Variants in ZNF600 observed in about 807,000 individuals in gnomAD.
ZNF600 encodes the protein zinc finger protein KR-ZNF1.
Under a neutral mutation model 7.3 loss-of-function variants are expected in ZNF600, and 4 were observed. The ratio of observed to expected loss-of-function variants is 0.55; its 90% CI spans 0.27 to 1.25. The LOEUF is 1.25. ZNF600 is among the 50% of genes most tolerant of loss of function. The pLI is 0.12. For synonymous variants in ZNF600, 290 were observed against 308.9 expected (o/e 0.94, Z 0.64); for missense variants, 911 against 922.1 (o/e 0.99, Z 0.16).
rs111993232 is a variant in ZNF600, at chr19:52,766,680, T to C, written c.1283A>G (p.Lys428Arg). The change falls in exon 4 of 4, where the codon AAG becomes AGG. Residue 428 changes from lysine (K) to arginine (R), a missense_variant. By Grantham distance (26) the Lys-to-Arg change is conservative. Coordinates refer to ENST00000648973, the Ensembl canonical transcript of ZNF600. ...GAAGGTCTTGCCACACTCATTACAC[T>C]TGTAAGTTTTCTCTCCAGTGTGAAT... is the stretch of plus-strand genomic sequence containing the variant. The C allele has an allele frequency of 7.3e-4, 1,171 of 1,614,220 alleles. 11 individuals carry two copies. The African/African-American group carries it at 0.015, about 20-fold the overall frequency.
At chr19:52,810,438 G>C in the ZNF600 span, 2 of 1,600,562 alleles carry the variant, frequency 1.2e-6, no homozygotes, top group Admixed American at 3.3e-5. Flanking sequence ...CAAAGGGTTT[G>C]CATATATAGA....
intron 2 of ZNF600, among the ~76,000 whole-genome samples, chr19:52,775,134 G>A (rs56992523): frequency 0.11 from 17,038 of 152,114 alleles, 1,098 homozygotes; most frequent in South Asian, 0.2. Context: ...CAGCTACACA[G>A]GAGGCTGAGG....
At chr19:52,828,869 T>A in the ZNF600 span, among the ~76,000 whole-genome samples, 2 of 152,310 alleles carry the variant, frequency 1.3e-5, no homozygotes, top group Non-Finnish European at 1.5e-5. Context: ...ATTTCTTTAT[T>A]TATTTTTTTG....
the ZNF600 span, among the ~76,000 whole-genome samples, chr19:52,822,434 C>A: frequency 6.6e-6 from 1 of 152,092 alleles, no homozygotes; most frequent in Non-Finnish European, 1.5e-5. Context: ...ACTAAAAAAT[C>A]TTCCCCGAAA....
At chr19:52,800,310 TC>T in the ZNF600 span, 1 of 1,607,646 alleles carries the variant, frequency 6.2e-7, no homozygotes, top group South Asian at 1.1e-5. Context: ...TCTCTGATGT[TC>T]TGTAAGGCAT....
At chr19:52,767,769 A>C in exon 4 of ZNF600, 1 of 1,556,902 alleles carries the variant, frequency 6.4e-7, no homozygotes, top group Non-Finnish European at 8.7e-7. Context: ...TTTGGAAGAG[A>C]TATCTACAAA....
At chr19:52,816,805 T>C in the ZNF600 span, among the ~76,000 whole-genome samples, 1 of 150,938 alleles carries the variant, frequency 6.6e-6, no homozygotes, top group Admixed American at 6.6e-5. Flanking sequence ...CACTGCAGCC[T>C]GGGCAACAAA....
At chr19:52,799,892 T>C in the ZNF600 span, 3 of 1,614,128 alleles carry the variant, frequency 1.9e-6, no homozygotes, top group East Asian at 6.7e-5. Flanking sequence ...TATGATGGTA[T>C]ACGAGGGATG....
At chr19:52,814,603 A>T in the ZNF600 span, among the ~76,000 whole-genome samples, 47 of 144,624 alleles carry the variant, frequency 3.2e-4, 8 homozygotes, top group African/African-American at 1.2e-3. Flanking sequence ...AAGAAAAAAA[A>T]AAGCTGGGCG....
the ZNF600 span, among the ~76,000 whole-genome samples, chr19:52,813,388 C>G: frequency 6.6e-6 from 1 of 151,834 alleles, no homozygotes; most frequent in Non-Finnish European, 1.5e-5. Context: ...TCTGGGGATT[C>G]GCCATGGACA....
chr19:52,784,075 CAAAA>C (rs372098238), intron 1 of ZNF600, among the ~76,000 whole-genome samples: 1 of 150,936 alleles, frequency 6.6e-6, no homozygotes, highest in African/African-American at 2.4e-5. Context: ...AACTCCACCT[CAAAA>C]AAAAATAATA....
At chr19:52,764,622 A>G (rs781145869) in exon 4 of ZNF600, 3 of 147,206 alleles carry the variant, frequency 2.0e-5, no homozygotes, top group Non-Finnish European at 4.4e-5. Flanking sequence ...GATTCACACC[A>G]TTCTCCTGCC....
At chr19:52,777,172 A>AGT (rs1257176161) in intron 2 of ZNF600, among the ~76,000 whole-genome samples, 1 of 151,924 alleles carries the variant, frequency 6.6e-6, no homozygotes, top group African/African-American at 2.4e-5. Flanking sequence ...CAAGGTCAGG[A>AGT]GTTCGACCAG....
chr19:52,823,850 G>A, the ZNF600 span, among the ~76,000 whole-genome samples: 1 of 152,058 alleles, frequency 6.6e-6, no homozygotes, highest in Non-Finnish European at 1.5e-5. Flanking sequence ...ATGGCCTGAG[G>A]TCGGAAGTTG....
Position 52,780,580 on chromosome 19 carries a change from C to A in ZNF600, c.-19-1673G>T, listed in dbSNP as rs1162487306. ...GTCTTCAAACATGTTTCTCCCACAA[C>A]CTTAAAGAATTTTGAAAGTCGACTG... is the stretch of plus-strand genomic sequence containing the variant. On this transcript the variant is annotated intron_variant, in intron 1 of 3. Coordinates refer to ENST00000648973, the Ensembl canonical transcript of ZNF600. The A allele has an allele frequency of 6.6e-6, 1 of 152,080 alleles. No homozygotes were observed. Among genetic ancestry groups the A allele is most frequent in the Non-Finnish European group, 1.5e-5 (1 of 68,026 alleles). 9.4% of individuals were successfully genotyped at this position (152,080 alleles called of 1,614,324 possible).
In ZNF600 at chr19:52,767,234, G is replaced by C. The variant is rs144473107; in HGVS notation, c.729C>G (p.Ser243Arg). ...GTATCTGGTGTTTCCTTAAGAGTGA[G>C]CTACAATTAAAGGCTTTGCCACTCT... is the stretch of plus-strand genomic sequence containing the variant. Residue 243 changes from serine (S) to arginine (R), a missense_variant, in exon 4 of 4, where the codon AGC becomes AGG. Physicochemically the swap from Ser to Arg is moderately radical, Grantham distance 110 (BLOSUM62 -1). Coordinates refer to ENST00000648973, the Ensembl canonical transcript of ZNF600. 5 of 1,613,998 alleles carry C rather than the reference G, an allele frequency of 3.1e-6. No individual in the cohort carries two copies. In the African/African-American group the frequency reaches 6.7e-5, roughly 22 times the overall value.
the ZNF600 span, chr19:52,801,793 A>G: frequency 8.1e-7 from 1 of 1,234,886 alleles, no homozygotes; most frequent in Non-Finnish European, 1.1e-6. Flanking sequence ...AACAATACTT[A>G]TTTTAAACTT....
At chr19:52,808,963 TAA>T in the ZNF600 span, among the ~76,000 whole-genome samples, 1 of 152,190 alleles carries the variant, frequency 6.6e-6, no homozygotes, top group Non-Finnish European at 1.5e-5. Flanking sequence ...TTTCAAAATA[TAA>T]AAGATTTTCA....
the ZNF600 span, chr19:52,810,639 T>C: frequency 7.6e-7 from 1 of 1,313,842 alleles, no homozygotes; most frequent in Non-Finnish European, 1.1e-6. Flanking sequence ...ACAGTGGTTT[T>C]AACAGCAGGC....
Sources: gnomAD v4.1 joint callset for allele counts (sites outside exome capture counted in the v4.1 genomes callset) on GRCh38, gnomAD v4.1.1 for gene constraint, MANE v1.5 for transcripts, NCBI Gene and HGNC (gene_info 2026-07-23, HGNC 2026-07-21) for gene names.